EFCAB6: variants seen among roughly 807,000 people sequenced by gnomAD.
The protein encoded by EFCAB6 is EF-hand calcium-binding domain-containing protein 6.
A neutral mutation model predicts 169.8 loss-of-function variants in EFCAB6; 156 were observed. That is an observed-to-expected ratio of 0.92 (90% CI 0.81 to 1.05). The LOEUF is 1.05. EFCAB6 is among the 50% of genes least tolerant of loss of function. The pLI is 0.00. For synonymous variants in EFCAB6, 698 were observed against 676.4 expected (o/e 1.03, Z -0.50); for missense variants, 1,800 against 1,829.1 (o/e 0.98, Z 0.29).
Position 43,687,560 on chromosome 22 carries a change from A to G in EFCAB6, c.1053T>C (p.Thr351=). The change falls in exon 11 of 32, where the codon ACT becomes ACC. Residue 351 remains threonine, a synonymous_variant. Transcript: ENST00000262726. ...TTAGAAATTGCTTCCAATTGATTTT[A>G]GTGGTGGCTTTAAGTCCAAATCTGG... ...LMKRFGLKAT[T]KINWKQFLTS... 4.4e-6 allele frequency: 7 copies of G among 1,598,762 alleles called. No homozygotes were observed. Among genetic ancestry groups the G allele is most frequent in the Non-Finnish European group, 6.0e-6 (7 of 1,175,058 alleles).
At chr22:43,678,256 C>T (rs560853214) in intron 12 of EFCAB6, 93 bp from the exon 13 acceptor site, 20 of 1,262,908 alleles carry the variant, frequency 1.6e-5, no homozygotes, top group East Asian at 1.5e-4. Context: ...TAATAAAGAG[C>T]GAGCTTTGGC....
Position 43,576,505 on chromosome 22 carries a change from G to T in EFCAB6, c.3229-17C>A. On this transcript the variant is annotated splice_polypyrimidine_tract_variant and intron_variant, in intron 25 of 31. Coordinates refer to ENST00000262726, the MANE Select transcript of EFCAB6 (RefSeq NM_022785.4). The stretch of plus-strand genomic sequence containing the variant: ...AGAAAATGCCTAAAAAGAAAGAAAA[G>T]AAAAAAAGATGGCAAATCCTGTCAA... 6.6e-7 allele frequency: 1 copy of T among 1,505,004 alleles called. No homozygotes were observed. Among genetic ancestry groups the T allele is most frequent in the Non-Finnish European group, 8.8e-7 (1 of 1,135,082 alleles). 93.2% of individuals were successfully genotyped at this position (1,505,004 alleles called of 1,614,324 possible).
chr22:43,686,435 G>C (rs1703423467), intron 11 of EFCAB6, among the ~76,000 whole-genome samples: 1 of 152,112 alleles, frequency 6.6e-6, no homozygotes, highest in African/African-American at 2.4e-5. Context: ...AAAAATGTCT[G>C]TGACATTGCC....
At chr22:43,571,679 C>A (rs918483782) in intron 26 of EFCAB6, among the ~76,000 whole-genome samples, 2 of 152,216 alleles carry the variant, frequency 1.3e-5, no homozygotes, top group Admixed American at 6.5e-5. Context: ...CTAAACTCTG[C>A]AGCCAATGTT....
intron 10 of EFCAB6, among the ~76,000 whole-genome samples, chr22:43,702,935 C>T (rs1325706993): frequency 6.6e-6 from 1 of 152,150 alleles, no homozygotes; most frequent in African/African-American, 2.4e-5. Flanking sequence ...GCTAGATATG[C>T]CATACCCAGT....
At chr22:43,608,749 T>G (rs1230166397) in intron 21 of EFCAB6, 149 bp from the exon 22 acceptor site, 2 of 703,454 alleles carry the variant, frequency 2.8e-6, no homozygotes, top group Non-Finnish European at 2.4e-6. Flanking sequence ...GTTCCAGGTA[T>G]CCTCATCATT....
rs138925197 is a variant in EFCAB6 at position 43,736,701 on chromosome 22, G to A, written c.508-708C>T. Among the ~76,000 whole-genome samples the A allele has an allele frequency of 5.8e-3, 876 of 152,162 alleles. 1 individual carries two copies. Among genetic ancestry groups the A allele is most frequent in the Non-Finnish European group, 9.6e-3 (653 of 67,992 alleles). On this transcript the variant is annotated intron_variant, in intron 6 of 31. Coordinates refer to ENST00000262726, the MANE Select transcript of EFCAB6 (RefSeq NM_022785.4). ...ACAGGGAGCACCCAGTTGTGCTCTT[G>A]GCCTTAAACTACTCAAAGAAAAGAA...
intron 8 of EFCAB6, among the ~76,000 whole-genome samples, chr22:43,720,364 T>C (rs1257746325): frequency 8.2e-6 from 1 of 122,222 alleles, no homozygotes; most frequent in Non-Finnish European, 1.8e-5. Context: ...AAAAAAAAAA[T>C]AGCCGGGCAC....
chr22:43,758,961 G>A lies in EFCAB6; in HGVS notation c.441-3129C>T, dbSNP rs149557532. Among the ~76,000 whole-genome samples the A allele has an allele frequency of 5.0e-3, 766 of 152,302 alleles. 8 individuals are homozygous for A. Among genetic ancestry groups the A allele is most frequent in the African/African-American group, 0.017 (711 of 41,560 alleles). ...GTTCTGGCTGGGTGCAGTGGCTCAC[G>A]CCTGTAATCCCAGCACTTTAGGAGG... On this transcript the variant is annotated intron_variant, in intron 5 of 31. Transcript: ENST00000262726.
chr22:43,576,023 C>A (rs946743834), intron 26 of EFCAB6, among the ~76,000 whole-genome samples: 1 of 152,172 alleles, frequency 6.6e-6, no homozygotes, highest in African/African-American at 2.4e-5. Context: ...GGATCTAAGA[C>A]TCCTTAGAAT....
intron 23 of EFCAB6, among the ~76,000 whole-genome samples, chr22:43,599,471 T>C (rs986971820): frequency 1.1e-4 from 14 of 122,290 alleles, no homozygotes; most frequent in African/African-American, 3.2e-4. Context: ...GACAGCGCCA[T>C]TGCACTCCAG....
intron 12 of EFCAB6, among the ~76,000 whole-genome samples, chr22:43,682,621 C>T (rs1371267796): frequency 6.6e-6 from 1 of 152,152 alleles, no homozygotes; most frequent in Non-Finnish European, 1.5e-5. Context: ...GTCTGGTGGC[C>T]TCCAAAACCA....
At position 43,572,544 on chromosome 22, in the gene EFCAB6, C is replaced by T. The variant is rs764167952; in HGVS notation, c.3420+3753G>A. ...CCTACGGCCGCCTGGCTCCTTCGCT[C>T]CCTGGCCCCATCTCCTTAGACCTCT... On this transcript the variant is annotated intron_variant, in intron 26 of 31. Transcript: ENST00000262726. The surrounding 1 kb of genome is among the most constrained non-coding windows in gnomAD (Gnocchi z 4.0). 2.6e-5 allele frequency among the ~76,000 whole-genome samples: 4 copies of T among 152,342 alleles called. No individual in the cohort carries two copies. Among genetic ancestry groups the T allele is most frequent in the Middle Eastern group, 6.8e-3 (2 of 294 alleles).
chr22:43,626,826 C>G, intron 19 of EFCAB6, 147 bp from the exon 20 acceptor site: 1 of 687,830 alleles, frequency 1.5e-6, no homozygotes, highest in South Asian at 1.9e-5. Context: ...CTTGGCTGTT[C>G]CAGGAATATC....
chr22:43,554,435 C>G (rs1157269009), intron 27 of EFCAB6: 1 of 173,326 alleles, frequency 5.8e-6, no homozygotes, highest in African/African-American at 2.4e-5. Flanking sequence ...TGACTTGCCC[C>G]TTGCACTCTT....
chr22:43,610,792 C>T (rs949055199), intron 21 of EFCAB6, among the ~76,000 whole-genome samples: 16 of 152,096 alleles, frequency 1.1e-4, no homozygotes, highest in African/African-American at 1.7e-4. Flanking sequence ...TTTAAAAACA[C>T]GTAGCAGGTC....
At chr22:43,646,401 T>A (rs2056158322) in intron 17 of EFCAB6, among the ~76,000 whole-genome samples, 1 of 152,160 alleles carries the variant, frequency 6.6e-6, no homozygotes, top group Non-Finnish European at 1.5e-5. Context: ...AAAGTCTATA[T>A]GGTAACATAT....
chr22:43,592,865 G>A (rs150580661), intron 23 of EFCAB6, among the ~76,000 whole-genome samples: 1 of 152,208 alleles, frequency 6.6e-6, no homozygotes, highest in Non-Finnish European at 1.5e-5. Flanking sequence ...CTTCAACTCA[G>A]ACTCAAGCAA....
intron 8 of EFCAB6, among the ~76,000 whole-genome samples, chr22:43,727,702 G>C (rs961185385): frequency 1.3e-5 from 2 of 152,112 alleles, no homozygotes; most frequent in Non-Finnish European, 2.9e-5. Context: ...CTTAGAGGTA[G>C]GTTCTGATTA....
Sources: gnomAD v4.1 joint callset for allele counts (sites outside exome capture counted in the v4.1 genomes callset) on GRCh38, gnomAD v4.1.1 for gene constraint, Gnocchi (gnomAD v3.1) non-coding constraint, MANE v1.5 for transcripts, NCBI Gene and HGNC (gene_info 2026-07-23, HGNC 2026-07-21) for gene names.